The following BTC variants were observed in gnomAD, a reference collection of about 807,000 sequenced individuals.
BTC encodes betacellulin.
A neutral mutation model predicts 18.1 loss-of-function variants in BTC; 13 were observed. The observed-to-expected ratio is 0.72, with a 90% CI of 0.47 to 1.14. The LOEUF (loss-of-function observed/expected upper bound fraction) is 1.14. Among genes scored for constraint, BTC ranks in the 50% most tolerant of loss-of-function variants. The pLI, the probability that BTC is intolerant of heterozygous loss-of-function variation, is 0.00. For missense variants in BTC, 247 were observed against 224.2 expected, an observed-to-expected ratio of 1.10 and a Z score of -0.65; for synonymous variants, 83 against 79.4, an observed-to-expected ratio of 1.05 and a Z score of -0.24.
intron 1 of BTC, among the ~76,000 whole-genome samples, chr4:74,793,708 C>T (rs993899151): frequency 2.6e-5 from 4 of 152,168 alleles, no homozygotes; most frequent in African/African-American, 9.7e-5. Flanking sequence ...AGGAGAGACC[C>T]TCTGGAGGGC....
intron 2 of BTC, among the ~76,000 whole-genome samples, chr4:74,764,795 C>G (rs1007035006): frequency 2.6e-5 from 4 of 152,142 alleles, no homozygotes; most frequent in Non-Finnish European, 4.4e-5. Context: ...CTGTATTAGT[C>G]TGTTCTCATG....
At chr4:74,774,659 A>G (rs1445386734) in intron 1 of BTC, among the ~76,000 whole-genome samples, 2 of 151,874 alleles carry the variant, frequency 1.3e-5, no homozygotes, top group African/African-American at 4.8e-5. Context: ...GGCATGAAAC[A>G]GCACAACTTT....
At chr4:74,786,294 C>G (rs998381764) in intron 1 of BTC, among the ~76,000 whole-genome samples, 1 of 152,166 alleles carries the variant, frequency 6.6e-6, no homozygotes, top group African/African-American at 2.4e-5. Flanking sequence ...GGAAGTGGTT[C>G]TCGCCTATTC....
At chr4:74,764,526 T>TA (rs1435047452) in intron 2 of BTC, among the ~76,000 whole-genome samples, 4 of 152,100 alleles carry the variant, frequency 2.6e-5, no homozygotes, top group Admixed American at 6.5e-5. Flanking sequence ...CAAAGGGTGT[T>TA]AGAGAGACAT....
At chr4:74,769,989 G>T in intron 2 of BTC, 69 bp downstream of exon 2, 1 of 1,269,942 alleles carries the variant, frequency 7.9e-7, no homozygotes, top group Non-Finnish European at 1.1e-6. Context: ...TGTTTACCTA[G>T]TATTATGAGT....
At chr4:74,776,459 CA>C (rs1289647425) in intron 1 of BTC, among the ~76,000 whole-genome samples, 1 of 152,052 alleles carries the variant, frequency 6.6e-6, no homozygotes, top group Non-Finnish European at 1.5e-5. Flanking sequence ...AAATTAAAGA[CA>C]AAAGGAAAAG....
At chr4:74,779,296 A>G (rs1382436889) in intron 1 of BTC, among the ~76,000 whole-genome samples, 1 of 152,206 alleles carries the variant, frequency 6.6e-6, no homozygotes, top group Non-Finnish European at 1.5e-5. Flanking sequence ...TAATTCAGGT[A>G]TCTGAAAACT....
chr4:74,746,038 A>G lies in BTC; in HGVS notation c.*639T>C, dbSNP rs1724279481. ...TGACATCTCACAATCATACCAAAAC[A>G]CAGTTCAGTATAAAACCTTGGGTTA... On this transcript the variant is annotated 3_prime_UTR_variant, in exon 6 of 6. Transcript: ENST00000395743. 1 of 152,194 alleles carries G rather than the reference A, an allele frequency of 6.6e-6. No homozygotes were observed. The highest frequency in any genetic ancestry group is 2.4e-5 in the African/African-American group (1 of 41,462). The allele number at this position is 152,194 out of a possible 1,614,324, so 9.4% of individuals were successfully genotyped here. A position where few individuals can be genotyped will look rare whatever the true frequency, so the allele number is the denominator to read the frequency against.
Position 74,746,680 on chromosome 4 carries a change from G to C in BTC, c.*2-5C>G, listed in dbSNP as rs1193196992. 6.6e-6 allele frequency: 1 copy of C among 152,520 alleles called. No homozygotes were observed. Among genetic ancestry groups the C allele is most frequent in the Non-Finnish European group, 1.5e-5 (1 of 68,028 alleles). 9.4% of individuals were successfully genotyped at this position (152,520 alleles called of 1,614,324 possible). On this transcript the variant is annotated splice_polypyrimidine_tract_variant and splice_region_variant and intron_variant, in intron 5 of 5. Transcript: ENST00000395743. Reference sequence around the variant, plus strand: ...CTGGAGGTAACTTCATAGCCTCTGAGAATGAAGAAAATAACAGCACATCAC... The same window carrying C: ...CTGGAGGTAACTTCATAGCCTCTGACAATGAAGAAAATAACAGCACATCAC...
chr4:74,794,144 C>A (rs1725707941), intron 1 of BTC, 118 bp downstream of exon 1: 4 of 1,331,644 alleles, frequency 3.0e-6, no homozygotes, highest in South Asian at 2.6e-5. Context: ...CCAACCCGCG[C>A]CTGCCAGCCC....
intron 3 of BTC, among the ~76,000 whole-genome samples, chr4:74,753,275 G>A (rs1471531429): frequency 1.3e-5 from 2 of 152,160 alleles, no homozygotes; most frequent in African/African-American, 2.4e-5. Context: ...ACCAGAAACT[G>A]TTGTAAAAGA....
At chr4:74,790,579 G>A (rs6848411) in intron 1 of BTC, among the ~76,000 whole-genome samples, 26,983 of 152,060 alleles carry the variant, frequency 0.18, 3,945 homozygotes, top group African/African-American at 0.41. Context: ...ACTATGAAGC[G>A]ATGTCACCCC....
At chr4:74,756,920 A>G (rs1553956768) in intron 2 of BTC, among the ~76,000 whole-genome samples, 1 of 152,266 alleles carries the variant, frequency 6.6e-6, no homozygotes, top group Non-Finnish European at 1.5e-5. Flanking sequence ...ATAACAATCA[A>G]GAGAAACAGA....
At chr4:74,767,832 C>T (rs952684793) in intron 2 of BTC, among the ~76,000 whole-genome samples, 1 of 151,996 alleles carries the variant, frequency 6.6e-6, no homozygotes, top group Non-Finnish European at 1.5e-5. Context: ...ACTAGATATC[C>T]ACATGCAAAA....
intron 1 of BTC, among the ~76,000 whole-genome samples, chr4:74,781,400 T>TGTGTGTGC (rs1553959009): frequency 5.3e-5 from 8 of 152,002 alleles, no homozygotes; most frequent in African/African-American, 1.4e-4. Context: ...TGTGTGTGTG[T>TGTGTGTGC]GTGTGTGTGT....
chr4:74,765,013 T>G (rs1333059990), intron 2 of BTC, among the ~76,000 whole-genome samples: 3 of 100,340 alleles, frequency 3.0e-5, no homozygotes, highest in Non-Finnish European at 5.5e-5. Context: ...ACTTATTCAC[T>G]ACTATGAGAA....
chr4:74,770,737 G>A (rs1725015620), intron 1 of BTC, among the ~76,000 whole-genome samples: 1 of 152,098 alleles, frequency 6.6e-6, no homozygotes, highest in Admixed American at 6.6e-5. Flanking sequence ...AGAATACAAT[G>A]TGCAGTCCTT....
Position 74,770,164 on chromosome 4 carries a change from T to C in BTC, c.65-8A>G, listed in dbSNP as rs554922371. On this transcript the variant is annotated splice_region_variant and splice_polypyrimidine_tract_variant and intron_variant, in intron 1 of 5. Coordinates refer to ENST00000395743, the MANE Select transcript of BTC (RefSeq NM_001729.4). The stretch of plus-strand genomic sequence containing the variant: ...AGTGAAGGATCACTAGACCTTCAAA[T>C]TCAAAACAGAACCAAAATCAAACAT... 1.3e-6 allele frequency: 2 copies of C among 1,593,970 alleles called. No homozygotes were observed. Among genetic ancestry groups the C allele is most frequent in the South Asian group, 1.1e-5 (1 of 87,130 alleles).
chr4:74,756,948 C>T (rs1309759350), intron 2 of BTC, among the ~76,000 whole-genome samples: 1 of 152,188 alleles, frequency 6.6e-6, no homozygotes, highest in African/African-American at 2.4e-5. Context: ...TACTAACTAG[C>T]TGTTTCGTAT....
Sources: allele counts gnomAD v4.1 joint callset (sites outside exome capture counted in the v4.1 genomes callset), GRCh38; gene constraint gnomAD v4.1.1; transcripts MANE v1.5; gene names NCBI Gene and HGNC (gene_info 2026-07-23, HGNC 2026-07-21).